The following ZNF516 variants were observed in gnomAD, a reference collection of about 807,000 sequenced individuals.
ZNF516 encodes the protein zinc finger protein 516.
A neutral mutation model predicts 79.7 loss-of-function variants in ZNF516; 19 were observed. The ratio of observed to expected loss-of-function variants is 0.24; its 90% CI spans 0.17 to 0.35. The LOEUF is 0.35. ZNF516 is among the 10% of genes least tolerant of loss of function. The pLI, the probability that ZNF516 is intolerant of heterozygous loss-of-function variation, is 1.00. For synonymous variants in ZNF516, 877 were observed against 739.5 expected, an observed-to-expected ratio of 1.19 and a Z score of -3.02; for missense variants, 1,678 against 1,679.5, an observed-to-expected ratio of 1.00 and a Z score of 0.02.
chr18:76,371,507 G>C lies in ZNF516; in HGVS notation c.3324C>G (p.His1108Gln). ...FVCIECGKSF[H>Q]QPGHLRAHMR... ...TGTGGGCCCTGAGGTGGCCGGGCTG[G>C]TGGAAGCTCTTTCCGCACTCGATGC... Residue 1108 changes from histidine (H) to glutamine (Q), a missense_variant, in exon 5 of 7, where the codon CAC becomes CAG. By Grantham distance (24) the His-to-Gln change is conservative (BLOSUM62 0). Transcript: ENST00000443185. 6.2e-7 allele frequency: 1 copy of C among 1,610,418 alleles called. No homozygotes were observed. Among genetic ancestry groups the C allele is most frequent in the Non-Finnish European group, 8.5e-7 (1 of 1,179,826 alleles).
At chr18:76,480,676 C>T (rs560511802) in intron 1 of ZNF516, among the ~76,000 whole-genome samples, 33 of 152,218 alleles carry the variant, frequency 2.2e-4, no homozygotes, top group African/African-American at 7.2e-4. Flanking sequence ...GCACCCGCCA[C>T]CACGCTCAGT....
intron 4 of ZNF516, among the ~76,000 whole-genome samples, chr18:76,371,895 C>T (rs2074714494): frequency 6.6e-6 from 1 of 152,224 alleles, no homozygotes; most frequent in Admixed American, 6.5e-5. Flanking sequence ...TCACCCGGCT[C>T]TGTCAAGCAG....
intron 3 of ZNF516, among the ~76,000 whole-genome samples, chr18:76,406,984 G>A (rs929037601): frequency 1.6e-4 from 24 of 152,314 alleles, no homozygotes; most frequent in South Asian, 1.2e-3. Context: ...CACACAGTGC[G>A]TCTCCGTCCA....
chr18:76,490,515 C>T (rs764330900), intron 1 of ZNF516, among the ~76,000 whole-genome samples: 1 of 152,164 alleles, frequency 6.6e-6, no homozygotes, highest in Non-Finnish European at 1.5e-5. Context: ...GTAACACATC[C>T]CTAAACCAAA....
intron 3 of ZNF516, among the ~76,000 whole-genome samples, chr18:76,382,184 T>G (rs1192196866): frequency 6.6e-6 from 1 of 151,890 alleles, no homozygotes; most frequent in Non-Finnish European, 1.5e-5. Context: ...AAAAAATAAA[T>G]CAATGAAGTC....
chr18:76,410,227 G>C (rs2075358246), intron 3 of ZNF516, among the ~76,000 whole-genome samples: 1 of 152,224 alleles, frequency 6.6e-6, no homozygotes, highest in African/African-American at 2.4e-5. Context: ...GGAAGTATGA[G>C]GGCTCGCCAC....
At chr18:76,413,050 C>G (rs2075390553) in intron 3 of ZNF516, among the ~76,000 whole-genome samples, 1 of 152,202 alleles carries the variant, frequency 6.6e-6, no homozygotes, top group Non-Finnish European at 1.5e-5. Context: ...ATGCTGAAAC[C>G]AAGGCCTCTG....
At chr18:76,464,682 T>A (rs1913344615) in intron 1 of ZNF516, among the ~76,000 whole-genome samples, 1 of 149,870 alleles carries the variant, frequency 6.7e-6, no homozygotes, top group South Asian at 2.1e-4. Context: ...AGTGGCCTCC[T>A]GGACTTGCAA....
intron 1 of ZNF516, among the ~76,000 whole-genome samples, chr18:76,468,204 T>C (rs1434535188): frequency 1.3e-5 from 2 of 152,216 alleles, no homozygotes; most frequent in Non-Finnish European, 2.9e-5. Context: ...ATTAGAGATA[T>C]CAAAATTAGG....
chr18:76,441,250 G>T lies in ZNF516; in HGVS notation c.1805C>A (p.Ala602Glu). Residue 602 changes from alanine to glutamate, a missense_variant, in exon 3 of 7, where the codon GCA becomes GAA. Physicochemically the swap from Ala to Glu is moderately radical, Grantham distance 107. This residue lies in a region of ZNF516 where 1,294 missense variants were observed against 1,248.3 expected (regional missense o/e 1.04). Transcript: ENST00000443185. ...DSGEEGAPEP[A>E]PGGQPRRCCF... ...ACCTGGGTACACTTGCTCACCTGGT[G>T]CAGGTTCAGGGGCGCCCTCCTCACC... 1 of 1,609,306 alleles carries T rather than the reference G, an allele frequency of 6.2e-7. No homozygotes were observed. Among genetic ancestry groups the T allele is most frequent in the Non-Finnish European group, 8.5e-7 (1 of 1,178,750 alleles).
Position 76,441,294 on chromosome 18 carries a change from G to A in ZNF516, c.1761C>T (p.Asp587=). ...AADSPGSGLA[D]EAAEDSGEEG... Reference sequence around the variant, plus strand: ...CCTCACCACTGTCTTCGGCAGCCTCGTCGGCCAGGCCAGAGCCCGGGGAGT... The same window carrying A: ...CCTCACCACTGTCTTCGGCAGCCTCATCGGCCAGGCCAGAGCCCGGGGAGT... Residue 587 remains aspartate (D), a synonymous_variant, in exon 3 of 7, where the codon GAC becomes GAT. Transcript: ENST00000443185. 3 of 1,611,170 alleles carry A rather than the reference G, an allele frequency of 1.9e-6. No homozygotes were observed. Among genetic ancestry groups the A allele is most frequent in the Non-Finnish European group, 1.7e-6 (2 of 1,179,406 alleles).
chr18:76,480,092 G>A (rs1165979963), intron 1 of ZNF516, among the ~76,000 whole-genome samples: 1 of 148,392 alleles, frequency 6.7e-6, no homozygotes, highest in Non-Finnish European at 1.5e-5. Context: ...AGGCTGCCAA[G>A]TGGGGCTGGC....
chr18:76,481,908 T>C (rs2145786734), intron 1 of ZNF516, among the ~76,000 whole-genome samples: 1 of 152,372 alleles, frequency 6.6e-6, no homozygotes, highest in Admixed American at 6.5e-5. Context: ...AAAGTAGCTC[T>C]CAATACCTTT....
intron 3 of ZNF516, among the ~76,000 whole-genome samples, chr18:76,396,788 A>G (rs690619): frequency 0.69 from 105,497 of 152,122 alleles, 37,255 homozygotes; most frequent in African/African-American, 0.84. Context: ...AAGAGAGGCC[A>G]TTCCACTGAG....
rs746800881 is a variant in ZNF516 at position 76,379,881 on chromosome 18, T to A, written c.2233A>T (p.Ser745Cys). 1.9e-6 allele frequency: 3 copies of A among 1,613,824 alleles called. No homozygotes were observed. The highest frequency in any genetic ancestry group is 1.3e-5 in the African/African-American group (1 of 74,926). ...LSARSTRDDP[S>C]NKETASSLQA... ...AGGGAGGAGGCCGTCTCCTTATTGC[T>A]GGGGTCATCCCGCGTCGACCTCGCA... Residue 745 changes from serine (S) to cysteine (C), a missense_variant, in exon 4 of 7, where the codon AGC (serine) becomes TGC (cysteine). By Grantham distance (112) the Ser-to-Cys change is moderately radical. Around this residue, in one of 5 missense-constraint regions of ZNF516, gnomAD observed 1,294 missense variants for 1,248.3 expected, o/e 1.04. Coordinates refer to ENST00000443185, the MANE Select transcript of ZNF516 (RefSeq NM_014643.4).
intron 1 of ZNF516, among the ~76,000 whole-genome samples, chr18:76,471,431 T>G (rs901518818): frequency 2.0e-5 from 3 of 152,076 alleles, no homozygotes; most frequent in African/African-American, 4.8e-5. Flanking sequence ...TGGTCAGACA[T>G]GTGGCCTTAG....
At chr18:76,483,957 C>T (rs900859815) in intron 1 of ZNF516, among the ~76,000 whole-genome samples, 1 of 152,194 alleles carries the variant, frequency 6.6e-6, no homozygotes, top group African/African-American at 2.4e-5. Context: ...TGGAAAGACG[C>T]AAACATTTAC....
chr18:76,450,471 G>A (rs1435993599), intron 2 of ZNF516, among the ~76,000 whole-genome samples: 1 of 151,814 alleles, frequency 6.6e-6, no homozygotes, highest in East Asian at 1.9e-4. Flanking sequence ...CTGAATAATA[G>A]GAACCTGGTT....
At position 76,494,389 on chromosome 18, in the gene ZNF516, C is replaced by A. The variant is rs1417236755; in HGVS notation, c.-272+755G>T. Among the ~76,000 whole-genome samples, 4 of 151,728 alleles carry A rather than the reference C, an allele frequency of 2.6e-5. No homozygotes were observed. The South Asian group carries it at 8.3e-4, about 32-fold the overall frequency. On this transcript the variant is annotated intron_variant, in intron 1 of 6. Coordinates refer to ENST00000443185, the MANE Select transcript of ZNF516 (RefSeq NM_014643.4). ...CACCGAGGCCTCCCCCACCCGCACC[C>A]GGCGGGGCGCAGCTCCGAGGAGTCC...
Sources: gnomAD v4.1 joint callset for allele counts (sites outside exome capture counted in the v4.1 genomes callset) on GRCh38, gnomAD v4.1.1 for gene constraint, gnomAD v4.1.1 regional missense constraint, MANE v1.5 for transcripts, NCBI Gene and HGNC (gene_info 2026-07-23, HGNC 2026-07-21) for gene names.